AKAP6: variants seen among roughly 807,000 people sequenced by gnomAD.
The protein encoded by AKAP6 is A-kinase anchoring protein 6, also known as A-kinase anchor protein 6.
Under a neutral mutation model 188.5 loss-of-function variants are expected in AKAP6, and 58 were observed. The observed-to-expected ratio is 0.31, with a 90% CI of 0.25 to 0.38. The LOEUF (loss-of-function observed/expected upper bound fraction) is 0.38. AKAP6 is among the 10% of genes least tolerant of loss of function. The pLI is 1.00. For synonymous variants in AKAP6, 989 were observed against 998.6 expected, an observed-to-expected ratio of 0.99 and a Z score of 0.18; for missense variants, 2,710 against 2,740.0, an observed-to-expected ratio of 0.99 and a Z score of 0.24.
chr14:32,381,649 A>T (rs1888365454), intron 1 of AKAP6, among the ~76,000 whole-genome samples: 1 of 152,188 alleles, frequency 6.6e-6, no homozygotes, highest in Non-Finnish European at 1.5e-5. Context: ...TTAGAGAGAA[A>T]GAATGGGAGG....
chr14:32,586,693 T>C (rs1221856873), intron 5 of AKAP6, among the ~76,000 whole-genome samples: 1 of 152,206 alleles, frequency 6.6e-6, no homozygotes, highest in Non-Finnish European at 1.5e-5. Context: ...TAGTAATAAT[T>C]CGAAGTCAAT....
chr14:32,377,985 T>C (rs539546164), intron 1 of AKAP6, among the ~76,000 whole-genome samples: 3 of 152,268 alleles, frequency 2.0e-5, no homozygotes, highest in African/African-American at 7.2e-5. Context: ...TGAATACTTA[T>C]ACTGAAAATT....
At chr14:32,395,133 C>T (rs1479499615) in intron 1 of AKAP6, among the ~76,000 whole-genome samples, 2 of 152,018 alleles carry the variant, frequency 1.3e-5, no homozygotes, top group African/African-American at 4.8e-5. Flanking sequence ...ATGGGAAACC[C>T]AGGAATATGT....
chr14:32,735,154 C>T (rs540026384), intron 10 of AKAP6, among the ~76,000 whole-genome samples: 67 of 152,200 alleles, frequency 4.4e-4, no homozygotes, highest in African/African-American at 1.5e-3. Context: ...TATATGGTTT[C>T]GGAAATATGT....
intron 7 of AKAP6, among the ~76,000 whole-genome samples, chr14:32,647,615 C>A (rs1888037529): frequency 1.3e-5 from 2 of 151,952 alleles, no homozygotes; most frequent in Non-Finnish European, 2.9e-5. Flanking sequence ...ATGAATAAGA[C>A]AGGATAAAGG....
At chr14:32,417,581 C>T (rs1169144993) in intron 1 of AKAP6, among the ~76,000 whole-genome samples, 1 of 152,096 alleles carries the variant, frequency 6.6e-6, no homozygotes, top group Non-Finnish European at 1.5e-5. Context: ...TTAGCCAGAG[C>T]TCAGCAAGGG....
At chr14:32,633,971 G>C (rs1374567379) in intron 7 of AKAP6, among the ~76,000 whole-genome samples, 5 of 151,976 alleles carry the variant, frequency 3.3e-5, no homozygotes, top group Non-Finnish European at 5.9e-5. Context: ...TATTTCCAAG[G>C]CAAGCCTATA....
intron 12 of AKAP6, among the ~76,000 whole-genome samples, chr14:32,791,572 C>A (rs535568417): frequency 6.6e-6 from 1 of 151,976 alleles, no homozygotes; most frequent in Admixed American, 6.6e-5. Context: ...CTGTAGGTTG[C>A]CTGTTCACTC....
chr14:32,556,840 A>G (rs1042116974), intron 4 of AKAP6, among the ~76,000 whole-genome samples: 1 of 151,590 alleles, frequency 6.6e-6, no homozygotes, highest in African/African-American at 2.4e-5. Flanking sequence ...GCCCAACATC[A>G]TGAAGTTTTT....
intron 2 of AKAP6, among the ~76,000 whole-genome samples, chr14:32,454,648 CTTCCCTCT>C (rs779012188): frequency 0.27 from 35,145 of 131,578 alleles, 9,588 homozygotes; most frequent in African/African-American, 0.65. Flanking sequence ...TCCCTCCCTC[CTTCCCTCT>C]CTCCTTCCCT....
intron 1 of AKAP6, among the ~76,000 whole-genome samples, chr14:32,368,495 T>G (rs1255407424): frequency 1.3e-5 from 2 of 151,700 alleles, no homozygotes; most frequent in Non-Finnish European, 2.9e-5. Flanking sequence ...ATTTCCTAAC[T>G]AGAGGGTTGG....
intron 11 of AKAP6, among the ~76,000 whole-genome samples, chr14:32,743,098 G>T (rs2031748540): frequency 6.6e-6 from 1 of 151,978 alleles, no homozygotes; most frequent in Non-Finnish European, 1.5e-5. Context: ...TTGCTGAATT[G>T]ACCCCTTTAT....
intron 1 of AKAP6, among the ~76,000 whole-genome samples, chr14:32,407,112 A>G (rs1339769939): frequency 2.0e-5 from 3 of 151,952 alleles, no homozygotes; most frequent in Non-Finnish European, 4.4e-5. Flanking sequence ...TCATCTTCCT[A>G]CGTCCACATG....
intron 12 of AKAP6, among the ~76,000 whole-genome samples, chr14:32,780,155 A>AAAAATATATATATATATATATATATATAT (rs1555361856): frequency 4.4e-5 from 4 of 91,442 alleles, no homozygotes; most frequent in Non-Finnish European, 5.0e-5. Flanking sequence ...TGAAAAAAAA[A>AAAAATATATATATATATATATATATATAT]ACATATATAT....
chr14:32,404,691 G>GATATATATATATAT (rs55702209), intron 1 of AKAP6, among the ~76,000 whole-genome samples: 1,005 of 44,410 alleles, frequency 0.023, 126 homozygotes, highest in South Asian at 0.075. Flanking sequence ...GGAGTCAGGA[G>GATATATATATATAT]ATATATATAT....
At chr14:32,769,863 T>A (rs1201849065) in intron 11 of AKAP6, among the ~76,000 whole-genome samples, 1 of 152,218 alleles carries the variant, frequency 6.6e-6, no homozygotes, top group East Asian at 1.9e-4. Flanking sequence ...TTATATCCTT[T>A]TATAAACTAT....
chr14:32,609,056 G>C (rs1419106918), intron 7 of AKAP6, among the ~76,000 whole-genome samples: 1 of 151,896 alleles, frequency 6.6e-6, no homozygotes, highest in Non-Finnish European at 1.5e-5. Context: ...AGGGGAGCAG[G>C]CTGAGCTGGG....
chr14:32,357,718 A>G (rs947083353), intron 1 of AKAP6, among the ~76,000 whole-genome samples: 3 of 152,222 alleles, frequency 2.0e-5, no homozygotes, highest in African/African-American at 7.2e-5. Flanking sequence ...CCTTTAGGAA[A>G]TTGTCATAAT....
At chr14:32,676,315 CTT>C (rs530708525) in intron 7 of AKAP6, among the ~76,000 whole-genome samples, 2 of 152,088 alleles carry the variant, frequency 1.3e-5, no homozygotes, top group South Asian at 4.1e-4. Flanking sequence ...ATTGTTGACT[CTT>C]TACATTTAGT....
Sources: allele counts gnomAD v4.1 joint callset (sites outside exome capture counted in the v4.1 genomes callset), GRCh38; gene constraint gnomAD v4.1.1; transcripts MANE v1.5; gene names NCBI Gene and HGNC (gene_info 2026-07-23, HGNC 2026-07-21).